The following ITGB8 variants were observed in gnomAD, a reference collection of about 807,000 sequenced individuals.
ITGB8 encodes integrin subunit beta 8, also known as integrin beta-8.
In ITGB8, 30 loss-of-function variants were observed where a neutral mutation model predicts 89.5. That is an observed-to-expected ratio of 0.34 (90% CI 0.25 to 0.45). The LOEUF (loss-of-function observed/expected upper bound fraction) is 0.45, where lower values mean the gene tolerates loss of function less well. Among genes scored for constraint, ITGB8 ranks in the 20% least tolerant of loss-of-function variants. The pLI is 1.00. For synonymous variants in ITGB8, 335 were observed against 320.4 expected (o/e 1.05, Z -0.49); for missense variants, 836 against 933.3 (o/e 0.90, Z 1.36).
chr7:20,412,321 A>C lies in ITGB8; in HGVS notation c.*2324A>C, dbSNP rs971762361. On this transcript the variant is annotated 3_prime_UTR_variant, in exon 14 of 14. Coordinates refer to ENST00000222573, the MANE Select transcript of ITGB8 (RefSeq NM_002214.3). The stretch of plus-strand genomic sequence containing the variant: ...TTTGATCACTAAAAATAATGTAAAA[A>C]TTGGGTTTAGTAGCCTAATACACAT... The C allele has an allele frequency of 6.6e-6, 1 of 152,630 alleles. No individual in the cohort carries two copies. Among genetic ancestry groups the C allele is most frequent in the African/African-American group, 2.4e-5 (1 of 41,458 alleles). 9.5% of individuals were successfully genotyped at this position (152,630 alleles called of 1,614,324 possible).
intron 2 of ITGB8, 141 bp from the exon 3 acceptor site, chr7:20,366,871 T>C: frequency 1.7e-6 from 1 of 587,548 alleles, no homozygotes; most frequent in Non-Finnish European, 2.9e-6. Flanking sequence ...TGTGTTTTTC[T>C]TGTAGAAATA....
chr7:20,363,509 T>C, intron 1 of ITGB8, 128 bp from the exon 2 acceptor site: 1 of 468,824 alleles, frequency 2.1e-6, no homozygotes. Flanking sequence ...GTCAGATTTT[T>C]GTAATAAAAG....
chr7:20,343,452 A>T (rs1784827499), intron 1 of ITGB8, among the ~76,000 whole-genome samples: 1 of 152,176 alleles, frequency 6.6e-6, no homozygotes, highest in Non-Finnish European at 1.5e-5. Flanking sequence ...TCCATTTCAT[A>T]GCACTCTTGT....
At chr7:20,335,737 T>G (rs1784552648) in intron 1 of ITGB8, among the ~76,000 whole-genome samples, 1 of 152,186 alleles carries the variant, frequency 6.6e-6, no homozygotes, top group African/African-American at 2.4e-5. Context: ...TCCACTCTCT[T>G]AAGATCAGGG....
At chr7:20,361,451 A>G (rs1480648577) in intron 1 of ITGB8, among the ~76,000 whole-genome samples, 1 of 152,168 alleles carries the variant, frequency 6.6e-6, no homozygotes, top group Non-Finnish European at 1.5e-5. Flanking sequence ...GCCAACATCC[A>G]GTGTCTTGTG....
chr7:20,363,800 C>G, intron 2 of ITGB8, 78 bp downstream of exon 2: 1 of 734,852 alleles, frequency 1.4e-6, no homozygotes, highest in Non-Finnish European at 2.1e-6. Context: ...TATTCTGTGC[C>G]TTGAAGGTGC....
chr7:20,361,306 T>C (rs575553542), intron 1 of ITGB8, among the ~76,000 whole-genome samples: 90 of 152,360 alleles, frequency 5.9e-4, no homozygotes, highest in African/African-American at 2.1e-3. Flanking sequence ...AGGCTACAAG[T>C]TGGCGAAAGT....
In ITGB8 at chr7:20,410,605, A is replaced by G. The variant is rs1346832304; in HGVS notation, c.*608A>G. On this transcript the variant is annotated 3_prime_UTR_variant, in exon 14 of 14. Transcript: ENST00000222573. The stretch of plus-strand genomic sequence containing the variant: ...ATGCATGTGTGTTTATGGTTTGCTT[A>G]TTTTTGCAAGATGGATACTAATTCC... 1 of 152,354 alleles carries G rather than the reference A, an allele frequency of 6.6e-6. No homozygotes were observed. Among genetic ancestry groups the G allele is most frequent in the African/African-American group, 2.4e-5 (1 of 41,418 alleles). 9.4% of individuals were successfully genotyped at this position (152,354 alleles called of 1,614,324 possible). A position where few individuals can be genotyped will look rare whatever the true frequency, so the allele number is the denominator to read the frequency against.
intron 8 of ITGB8, among the ~76,000 whole-genome samples, chr7:20,398,319 C>A (rs946114032): frequency 6.6e-6 from 1 of 152,196 alleles, no homozygotes; most frequent in South Asian, 2.1e-4. Context: ...TCCAGTAATT[C>A]TTGCTCCTTC....
chr7:20,403,341 A>G (rs1787390051), intron 10 of ITGB8, among the ~76,000 whole-genome samples: 1 of 152,174 alleles, frequency 6.6e-6, no homozygotes, highest in Non-Finnish European at 1.5e-5. Flanking sequence ...TCAATCTCTC[A>G]AGAGGGTTTC....
At chr7:20,386,984 C>A (rs188944298) in intron 6 of ITGB8, among the ~76,000 whole-genome samples, 30 of 152,294 alleles carry the variant, frequency 2.0e-4, no homozygotes, top group African/African-American at 5.8e-4. Flanking sequence ...GAGCCACAAA[C>A]TCAAACATCT....
chr7:20,330,669 C>T (rs1487980260), upstream of ITGB8: 1 of 152,286 alleles, frequency 6.6e-6, no homozygotes, highest in African/African-American at 2.4e-5. Flanking sequence ...ACCAATGTCC[C>T]GCCCACGCTG....
At chr7:20,393,544 G>A (rs1393740446) in intron 7 of ITGB8, among the ~76,000 whole-genome samples, 1 of 152,190 alleles carries the variant, frequency 6.6e-6, no homozygotes, top group Non-Finnish European at 1.5e-5. Context: ...TTTCAGCGGT[G>A]CCCTCTGAAT....
intron 7 of ITGB8, among the ~76,000 whole-genome samples, chr7:20,393,528 TAA>T (rs1223469954): frequency 6.6e-6 from 1 of 152,176 alleles, no homozygotes; most frequent in Non-Finnish European, 1.5e-5. Context: ...CTCCCTTGAG[TAA>T]AAGTTTCAGC....
intron 9 of ITGB8, among the ~76,000 whole-genome samples, chr7:20,400,272 A>C (rs989235730): frequency 2.0e-5 from 3 of 152,166 alleles, no homozygotes; most frequent in African/African-American, 7.2e-5. Context: ...GAGTAGTATA[A>C]ATAGTTTAAC....
intron 1 of ITGB8, among the ~76,000 whole-genome samples, chr7:20,345,412 C>A (rs971128890): frequency 6.6e-6 from 1 of 151,150 alleles, no homozygotes; most frequent in Non-Finnish European, 1.5e-5. Flanking sequence ...CATGGTTATA[C>A]ATAATTATCT....
intron 3 of ITGB8, among the ~76,000 whole-genome samples, chr7:20,376,483 C>T (rs1482350742): frequency 1.3e-5 from 2 of 152,106 alleles, no homozygotes; most frequent in African/African-American, 4.8e-5. Flanking sequence ...ATCCACAGTG[C>T]TGCAAAAAGG....
chr7:20,342,307 G>A (rs930276539), intron 1 of ITGB8, among the ~76,000 whole-genome samples: 26 of 152,142 alleles, frequency 1.7e-4, no homozygotes, highest in Admixed American at 1.2e-3. Flanking sequence ...TAAATACCCT[G>A]AAAGTCCCAA....
chr7:20,407,359 C>A (rs990686484), intron 12 of ITGB8, among the ~76,000 whole-genome samples: 9 of 149,282 alleles, frequency 6.0e-5, no homozygotes, highest in African/African-American at 9.9e-5. Context: ...AAAAAAAAAA[C>A]AACAAAAGCA....
Sources: gnomAD v4.1 joint callset for allele counts (sites outside exome capture counted in the v4.1 genomes callset) on GRCh38, gnomAD v4.1.1 for gene constraint, MANE v1.5 for transcripts, NCBI Gene and HGNC (gene_info 2026-07-23, HGNC 2026-07-21) for gene names.